Variants in VAV3 observed in about 807,000 individuals in gnomAD.
The protein encoded by VAV3 is guanine nucleotide exchange factor VAV3.
Under a neutral mutation model 131.2 loss-of-function variants are expected in VAV3, and 94 were observed. The observed-to-expected ratio is 0.72, with a 90% CI of 0.61 to 0.85. VAV3 has a LOEUF of 0.85. Among genes scored for constraint, VAV3 ranks in the 40% least tolerant of loss-of-function variants. VAV3 has a pLI of 0.00. For missense variants in VAV3, 939 were observed against 1,002.7 expected, an observed-to-expected ratio of 0.94 and a Z score of 0.86; for synonymous variants, 349 against 342.0, an observed-to-expected ratio of 1.02 and a Z score of -0.22.
rs1656168623 is a variant in VAV3, at chr1:107,651,541, G to A, written c.1778-8786C>T. ...AAAAGGAAGGAAGAAACAAAGTAAG[G>A]AAGGGAGGGAGGGAGGGAGGGAGGG... On this transcript the variant is annotated intron_variant, in intron 19 of 26. Transcript: ENST00000370056. Among the ~76,000 whole-genome samples the A allele has an allele frequency of 4.1e-5, 5 of 123,202 alleles. No homozygotes were observed. In the South Asian group the frequency reaches 1.5e-3, roughly 37 times the overall value. 80.8% of individuals were successfully genotyped at this position (123,202 alleles called of 152,430 possible). A position where few individuals can be genotyped will look rare whatever the true frequency, so the allele number is the denominator to read the frequency against.
chr1:107,610,881 T>A (rs149782590), intron 21 of VAV3, among the ~76,000 whole-genome samples: 1 of 152,200 alleles, frequency 6.6e-6, no homozygotes, highest in African/African-American at 2.4e-5. Context: ...AATGGGATTT[T>A]TATATTTGGT....
At chr1:107,733,059 G>A (rs112658990) in intron 15 of VAV3, among the ~76,000 whole-genome samples, 6 of 152,194 alleles carry the variant, frequency 3.9e-5, no homozygotes, top group African/African-American at 1.2e-4. Flanking sequence ...AAAATTTGCT[G>A]TTCTGCAGCC....
At chr1:107,724,026 G>A (rs1038536763) in intron 15 of VAV3, among the ~76,000 whole-genome samples, 4 of 151,834 alleles carry the variant, frequency 2.6e-5, no homozygotes, top group African/African-American at 4.8e-5. Flanking sequence ...CTCGTGAAGC[G>A]ACTAACAGAG....
chr1:107,753,542 A>ACC, intron 12 of VAV3, among the ~76,000 whole-genome samples: 1 of 100,086 alleles, frequency 1.0e-5, no homozygotes, highest in African/African-American at 3.6e-5. Context: ...ATATATATAT[A>ACC]TATATATACA....
intron 2 of VAV3, among the ~76,000 whole-genome samples, chr1:107,849,725 G>A (rs150231643): frequency 0.023 from 3,442 of 152,042 alleles, 120 homozygotes; most frequent in African/African-American, 0.079. Flanking sequence ...TTGACACATG[G>A]GATCTAATTA....
At position 107,671,710 on chromosome 1, in the gene VAV3, A is replaced by G. The variant is rs576009199; in HGVS notation, c.1777+11778T>C. 2.6e-5 allele frequency among the ~76,000 whole-genome samples: 4 copies of G among 152,322 alleles called. No individual in the cohort carries two copies. In the East Asian group the frequency reaches 7.7e-4, roughly 29 times the overall value. On this transcript the variant is annotated intron_variant, in intron 19 of 26. Coordinates refer to ENST00000370056, the MANE Select transcript of VAV3 (RefSeq NM_006113.5). The stretch of plus-strand genomic sequence containing the variant: ...TACTCTGAACTCAAAAGGCAGAGCC[A>G]TAGAATATTTTTCTTCCTACTTCTG...
Position 107,572,773 on chromosome 1 carries a change from T to C in VAV3, c.*558A>G, listed in dbSNP as rs886303044. ...ATATTTTATAATATCATGAGTAACA[T>C]CTGAGGGTAAAAGTGTTTGCCGGGC... On this transcript the variant is annotated 3_prime_UTR_variant, in exon 27 of 27. Coordinates refer to ENST00000370056, the MANE Select transcript of VAV3 (RefSeq NM_006113.5). 6.5e-6 allele frequency: 1 copy of C among 152,812 alleles called. No homozygotes were observed. Among genetic ancestry groups the C allele is most frequent in the Non-Finnish European group, 1.5e-5 (1 of 68,216 alleles). The allele number at this position is 152,812 out of a possible 1,614,324, so 9.5% of individuals were successfully genotyped here.
intron 24 of VAV3, among the ~76,000 whole-genome samples, chr1:107,598,601 A>G (rs1400945598): frequency 6.6e-6 from 1 of 152,204 alleles, no homozygotes; most frequent in South Asian, 2.1e-4. Context: ...GACCTTTAAA[A>G]GCAAAGAGAA....
intron 20 of VAV3, among the ~76,000 whole-genome samples, chr1:107,631,461 T>C (rs1654474154): frequency 7.5e-6 from 1 of 133,886 alleles, no homozygotes; most frequent in East Asian, 2.1e-4. Flanking sequence ...CTAGTATACT[T>C]TCTCTTTTTT....
chr1:107,770,679 T>C lies in VAV3; in HGVS notation c.605A>G (p.Gln202Arg), dbSNP rs755467373. The C allele has an allele frequency of 6.2e-7, 1 of 1,612,354 alleles. No individual in the cohort carries two copies. The highest frequency in any genetic ancestry group is 8.5e-7 in the Non-Finnish European group (1 of 1,179,318). The stretch of plus-strand genomic sequence containing the variant: ...AGTTTCTGTATATTTTTCTTCTGTC[T>C]GCTTAATTTCTGCTAGACAACAACT... ...IRSCCLAEIK[Q>R]TEEKYTETLE... The change falls in exon 6 of 27, where the codon CAG (glutamine) becomes CGG (arginine). Residue 202 changes from glutamine (Q) to arginine (R), a missense_variant. Physicochemically the swap from Gln to Arg is conservative, Grantham distance 43. Coordinates refer to ENST00000370056, the MANE Select transcript of VAV3 (RefSeq NM_006113.5).
At chr1:107,624,414 G>GTGTA (rs1491233423) in intron 20 of VAV3, among the ~76,000 whole-genome samples, 5 of 138,776 alleles carry the variant, frequency 3.6e-5, no homozygotes, top group African/African-American at 1.3e-4. Flanking sequence ...GTGTGTGTGT[G>GTGTA]AAAGAAACAA....
chr1:107,735,176 C>G (rs953925159), intron 15 of VAV3, among the ~76,000 whole-genome samples: 1 of 152,172 alleles, frequency 6.6e-6, no homozygotes, highest in African/African-American at 2.4e-5. Context: ...AAAGACACAA[C>G]GTACCAGAAT....
chr1:107,573,214 G>A lies in VAV3; in HGVS notation c.*117C>T. ...TTAGGAGGGGCTAAGGAGGGAGGAT[G>A]TTGAACAGCCAGAAATGCAGCTTTT... On this transcript the variant is annotated 3_prime_UTR_variant, in exon 27 of 27. Coordinates refer to ENST00000370056, the MANE Select transcript of VAV3 (RefSeq NM_006113.5). The A allele has an allele frequency of 1.7e-6, 2 of 1,167,852 alleles. No individual in the cohort carries two copies. The highest frequency in any genetic ancestry group is 1.2e-6 in the Non-Finnish European group (1 of 818,076). 72.3% of individuals were successfully genotyped at this position (1,167,852 alleles called of 1,614,324 possible). A position where few individuals can be genotyped will look rare whatever the true frequency, so the allele number is the denominator to read the frequency against.
intron 19 of VAV3, among the ~76,000 whole-genome samples, chr1:107,649,563 T>A (rs1241962378): frequency 2.0e-5 from 3 of 151,760 alleles, no homozygotes; most frequent in Non-Finnish European, 4.4e-5. Flanking sequence ...CCCCTTGGCT[T>A]TTTTTTTGTT....
intron 15 of VAV3, among the ~76,000 whole-genome samples, chr1:107,726,288 C>T (rs552256996): frequency 1.3e-5 from 2 of 152,226 alleles, no homozygotes; most frequent in Admixed American, 1.3e-4. Flanking sequence ...CAAATCACTC[C>T]AAAGTAGAAT....
chr1:107,880,940 C>T (rs1235050277), intron 1 of VAV3, among the ~76,000 whole-genome samples: 1 of 152,164 alleles, frequency 6.6e-6, no homozygotes, highest in African/African-American at 2.4e-5. Flanking sequence ...TCAATCCTCA[C>T]AACAATCCAA....
intron 15 of VAV3, among the ~76,000 whole-genome samples, chr1:107,721,131 G>A (rs1223489630): frequency 1.3e-5 from 2 of 152,106 alleles, no homozygotes; most frequent in African/African-American, 4.8e-5. Flanking sequence ...TTCATGCTTC[G>A]AGACTAAATT....
intron 2 of VAV3, among the ~76,000 whole-genome samples, chr1:107,838,879 C>A (rs1050291881): frequency 3.9e-5 from 6 of 152,014 alleles, no homozygotes; most frequent in Non-Finnish European, 8.8e-5. Context: ...TTCTCACTTA[C>A]AAGTAGGAGC....
intron 2 of VAV3, among the ~76,000 whole-genome samples, chr1:107,852,375 T>A (rs769560902): frequency 6.6e-6 from 1 of 152,172 alleles, no homozygotes; most frequent in Non-Finnish European, 1.5e-5. Flanking sequence ...AGTCATTGCA[T>A]ACAAAAATTT....
Sources: gnomAD v4.1 joint callset for allele counts (sites outside exome capture counted in the v4.1 genomes callset) on GRCh38, gnomAD v4.1.1 for gene constraint, MANE v1.5 for transcripts, NCBI Gene and HGNC (gene_info 2026-07-23, HGNC 2026-07-21) for gene names.